The following NUDT4 variants were observed in gnomAD, a reference collection of about 807,000 sequenced individuals.
NUDT4 encodes diphosphoinositol polyphosphate phosphohydrolase 2.
In NUDT4, 5 loss-of-function variants were observed where a neutral mutation model predicts 23.1. The observed-to-expected ratio is 0.22, with a 90% CI of 0.11 to 0.46. The LOEUF is 0.46. NUDT4 is among the 20% of genes least tolerant of loss of function. The pLI, the probability that NUDT4 is intolerant of heterozygous loss-of-function variation, is 0.99. For missense variants in NUDT4, 96 were observed against 211.6 expected (o/e 0.45, Z 3.39); for synonymous variants, 50 against 79.0 (o/e 0.63, Z 1.95).
intron 1 of NUDT4, among the ~76,000 whole-genome samples, chr12:93,384,232 A>G (rs148453828): frequency 6.6e-6 from 1 of 151,880 alleles, no homozygotes; most frequent in Non-Finnish European, 1.5e-5. Context: ...CAGTGGTGCA[A>G]TCTCAGCTCA....
rs1047706321 is a variant in NUDT4 at position 93,405,807 on chromosome 12, T to C, written c.*6428T>C. The C allele has an allele frequency of 6.6e-6, 1 of 152,232 alleles. No homozygotes were observed. The highest frequency in any genetic ancestry group is 1.5e-5 in the Non-Finnish European group (1 of 68,038). 9.4% of individuals were successfully genotyped at this position (152,232 alleles called of 1,614,324 possible). On this transcript the variant is annotated 3_prime_UTR_variant, in exon 5 of 5. Coordinates refer to ENST00000415493, the MANE Select transcript of NUDT4 (RefSeq NM_019094.6). ...ATATAATTCCCTAAGATGGGTGGCA[T>C]GCCAAGTAGCTAAATGAAATATCAT...
At chr12:93,378,612 G>T in intron 1 of NUDT4, 191 bp downstream of exon 1, 1 of 1,239,152 alleles carries the variant, frequency 8.1e-7, no homozygotes. Context: ...TGATAGATGA[G>T]ACAAAGGGGG....
intron 1 of NUDT4, among the ~76,000 whole-genome samples, chr12:93,382,801 A>AGCCGCC (rs1385676301): frequency 2.0e-5 from 3 of 150,810 alleles, no homozygotes; most frequent in Non-Finnish European, 2.9e-5. Flanking sequence ...AGCTGGGACT[A>AGCCGCC]CAGGCAGCCG....
At chr12:93,387,580 A>C (rs1200245368) in intron 1 of NUDT4, among the ~76,000 whole-genome samples, 15 of 152,180 alleles carry the variant, frequency 9.9e-5, no homozygotes. Context: ...TTTTCATCTT[A>C]ATCTCAACCC....
rs1877490848 is a variant in NUDT4 at position 93,402,110 on chromosome 12, C to G, written c.*2731C>G. The G allele has an allele frequency of 4.0e-5, 6 of 150,154 alleles. No individual in the cohort carries two copies. In the South Asian group the frequency reaches 1.3e-3, roughly 32 times the overall value. The allele number at this position is 150,154 out of a possible 1,614,324, so 9.3% of individuals were successfully genotyped here. On this transcript the variant is annotated 3_prime_UTR_variant, in exon 5 of 5. Transcript: ENST00000415493. ...TGACATTTTCTGACCAGGCACATGCCATCCAATTTTCTGTCAATCACACTG... is the reference window on the plus strand; with the variant it reads ...TGACATTTTCTGACCAGGCACATGCGATCCAATTTTCTGTCAATCACACTG...
chr12:93,380,829 A>G (rs559119791), intron 1 of NUDT4, among the ~76,000 whole-genome samples: 1 of 152,254 alleles, frequency 6.6e-6, no homozygotes, highest in Non-Finnish European at 1.5e-5. Context: ...GCTTGAGCCC[A>G]CCTCTCTAGT....
chr12:93,393,236 G>T (rs1876687726), intron 1 of NUDT4, among the ~76,000 whole-genome samples: 1 of 145,228 alleles, frequency 6.9e-6, no homozygotes, highest in African/African-American at 2.6e-5. Flanking sequence ...CGATTAGCTG[G>T]GATTACAGGC....
At chr12:93,399,036 A>G (rs1877153705) in intron 4 of NUDT4, 141 bp from the exon 5 acceptor site, 5 of 728,714 alleles carry the variant, frequency 6.9e-6, no homozygotes, top group African/African-American at 5.4e-5. Context: ...AGATAATTCA[A>G]ATGTAGAGAT....
Position 93,406,561 on chromosome 12 carries a change from A to G in NUDT4, c.*7182A>G, listed in dbSNP as rs928904371. ...AGGTTCTATATAGTTGGCCCTCCAT[A>G]TCCATGGGTTCCACTTCCGTGGATT... is the stretch of plus-strand genomic sequence containing the variant. On this transcript the variant is annotated 3_prime_UTR_variant, in exon 5 of 5. Coordinates refer to ENST00000415493, the MANE Select transcript of NUDT4 (RefSeq NM_019094.6). The G allele has an allele frequency of 2.0e-5, 3 of 152,244 alleles. No homozygotes were observed. Among genetic ancestry groups the G allele is most frequent in the Admixed American group, 6.5e-5 (1 of 15,278 alleles). 9.4% of individuals were successfully genotyped at this position (152,244 alleles called of 1,614,324 possible). A position where few individuals can be genotyped will look rare whatever the true frequency, so the allele number is the denominator to read the frequency against.
chr12:93,379,367 C>T (rs766269012), intron 1 of NUDT4, among the ~76,000 whole-genome samples: 9 of 152,130 alleles, frequency 5.9e-5, no homozygotes, highest in Non-Finnish European at 1.3e-4. Flanking sequence ...AGATAAATTA[C>T]ATAGGTGAAA....
intron 1 of NUDT4, among the ~76,000 whole-genome samples, chr12:93,390,213 G>A (rs923279827): frequency 2.6e-5 from 4 of 152,178 alleles, no homozygotes; most frequent in South Asian, 2.1e-4. Context: ...GCATAGAATT[G>A]TGTAACAAGA....
At chr12:93,395,274 C>CA (rs1258823834) in intron 2 of NUDT4, among the ~76,000 whole-genome samples, 1 of 152,204 alleles carries the variant, frequency 6.6e-6, no homozygotes, top group African/African-American at 2.4e-5. Context: ...ACATGAGCCA[C>CA]AGCGCCCAGC....
chr12:93,378,557 C>T (rs1875380192), intron 1 of NUDT4, 136 bp downstream of exon 1: 5 of 1,309,320 alleles, frequency 3.8e-6, no homozygotes, highest in Non-Finnish European at 4.9e-6. Context: ...CTCCTTTCCT[C>T]CCTCACTCCT....
intron 1 of NUDT4, among the ~76,000 whole-genome samples, chr12:93,379,380 AAT>A (rs1875466794): frequency 6.6e-6 from 1 of 152,218 alleles, no homozygotes; most frequent in Admixed American, 6.5e-5. Context: ...AGGTGAAAAA[AAT>A]TAACATTCTG....
chr12:93,381,708 A>G (rs924576675), intron 1 of NUDT4, among the ~76,000 whole-genome samples: 3 of 152,202 alleles, frequency 2.0e-5, no homozygotes, highest in African/African-American at 7.2e-5. Flanking sequence ...CAGCTTAGGG[A>G]TAGCATAGAA....
chr12:93,398,886 G>C (rs754222455), intron 4 of NUDT4, 31 bp downstream of exon 4: 1 of 1,315,090 alleles, frequency 7.6e-7, no homozygotes, highest in Non-Finnish European at 1.1e-6. Flanking sequence ...TGAATACTCT[G>C]TTCTAACAGA....
intron 1 of NUDT4, among the ~76,000 whole-genome samples, chr12:93,385,724 A>G (rs183528338): frequency 4.5e-4 from 69 of 151,910 alleles, no homozygotes; most frequent in African/African-American, 1.6e-3. Context: ...AGAGATTGAG[A>G]TTCTTCCACT....
chr12:93,384,664 G>A (rs540279958), intron 1 of NUDT4, among the ~76,000 whole-genome samples: 10 of 152,232 alleles, frequency 6.6e-5, no homozygotes, highest in Admixed American at 3.3e-4. Flanking sequence ...TGCAGTCCAC[G>A]GGCCACAGGT....
chr12:93,378,824 T>A (rs1875413012), intron 1 of NUDT4: 1 of 987,652 alleles, frequency 1.0e-6, no homozygotes, highest in Non-Finnish European at 1.2e-6. Flanking sequence ...GTGCCTCTTT[T>A]ACATATTTTC....
Sources: gnomAD v4.1 joint callset for allele counts (sites outside exome capture counted in the v4.1 genomes callset) on GRCh38, gnomAD v4.1.1 for gene constraint, MANE v1.5 for transcripts, NCBI Gene and HGNC (gene_info 2026-07-23, HGNC 2026-07-21) for gene names.